Variants in RAB7A observed in about 807,000 individuals in gnomAD.
RAB7A encodes ras-related protein Rab-7a.
In RAB7A, 2 loss-of-function variants were observed where a neutral mutation model predicts 24.5. The ratio of observed to expected loss-of-function variants is 0.08; its 90% CI spans 0.03 to 0.26. The LOEUF is 0.26. Ranked by LOEUF, RAB7A falls within the 10% of genes least tolerant of loss-of-function variation. The probability of loss-of-function intolerance (pLI) is 1.00; values close to 1 mark genes in which losing one functional copy is unlikely to be tolerated. For synonymous variants in RAB7A, 100 were observed against 95.9 expected (o/e 1.04, Z -0.25); for missense variants, 118 against 255.7 (o/e 0.46, Z 3.67).
intron 1 of RAB7A, among the ~76,000 whole-genome samples, chr3:128,769,599 G>A (rs2070865438): frequency 6.6e-6 from 1 of 152,146 alleles, no homozygotes; most frequent in African/African-American, 2.4e-5. Context: ...TATTAATAGT[G>A]TTTTTGGAAG....
intron 4 of RAB7A, among the ~76,000 whole-genome samples, 198 bp from the exon 5 acceptor site, chr3:128,807,345 A>T (rs1227224517): frequency 6.6e-6 from 1 of 152,134 alleles, no homozygotes; most frequent in East Asian, 1.9e-4. Flanking sequence ...TCTCTAGCTG[A>T]ATCCTAGCTA....
At chr3:128,737,187 G>C (rs552795874) in intron 1 of RAB7A, among the ~76,000 whole-genome samples, 1 of 151,512 alleles carries the variant, frequency 6.6e-6, no homozygotes, top group Non-Finnish European at 1.5e-5. Flanking sequence ...ACAGGCGCCC[G>C]CCACCACACA....
chr3:128,744,687 A>G (rs1044115806), intron 1 of RAB7A, among the ~76,000 whole-genome samples: 14 of 152,126 alleles, frequency 9.2e-5, no homozygotes, highest in African/African-American at 3.1e-4. Context: ...TGGCCCAATT[A>G]ACACAGGCCC....
intron 1 of RAB7A, among the ~76,000 whole-genome samples, chr3:128,779,825 A>G (rs1933180570): frequency 2.6e-5 from 4 of 152,270 alleles, no homozygotes; most frequent in South Asian, 4.2e-4. Context: ...TGGTCTCCCA[A>G]ATTGTTGGGA....
At chr3:128,785,746 C>CAAAAA (rs35368201) in intron 1 of RAB7A, among the ~76,000 whole-genome samples, 1 of 86,716 alleles carries the variant, frequency 1.2e-5, no homozygotes, top group Admixed American at 1.2e-4. Flanking sequence ...AAGACTGTCT[C>CAAAAA]AAAAAAAAAA....
At chr3:128,790,161 T>G (rs1419961758) in intron 1 of RAB7A, among the ~76,000 whole-genome samples, 6 of 152,224 alleles carry the variant, frequency 3.9e-5, no homozygotes, top group African/African-American at 1.4e-4. Context: ...AAAATATACC[T>G]TTTAACTTTT....
chr3:128,738,459 C>G (rs1468702532), intron 1 of RAB7A, among the ~76,000 whole-genome samples: 4 of 152,172 alleles, frequency 2.6e-5, no homozygotes, highest in Admixed American at 2.6e-4. Context: ...CTTTTCCTTA[C>G]CACACTTTGT....
intron 1 of RAB7A, among the ~76,000 whole-genome samples, chr3:128,741,848 C>T (rs2070557662): frequency 6.6e-6 from 1 of 151,956 alleles, no homozygotes; most frequent in African/African-American, 2.4e-5. Flanking sequence ...GGGCATTGCT[C>T]TGTCACCCAG....
rs1447850477 is a variant in RAB7A, at chr3:128,814,278, C to T, written c.*856C>T. On this transcript the variant is annotated 3_prime_UTR_variant, in exon 6 of 6. Transcript: ENST00000265062. ...AAGACTTAAGAGCCAAAAAGCTTTT[C>T]ATCTCTCCAGGGGGAAAACTGTCTA... 1 of 152,908 alleles carries T rather than the reference C, an allele frequency of 6.5e-6. No individual in the cohort carries two copies. The highest frequency in any genetic ancestry group is 2.4e-5 in the African/African-American group (1 of 41,462). The allele number at this position is 152,908 out of a possible 1,614,324, so 9.5% of individuals were successfully genotyped here. A position where few individuals can be genotyped will look rare whatever the true frequency, so the allele number is the denominator to read the frequency against.
At chr3:128,766,365 A>T (rs1381089234) in intron 1 of RAB7A, among the ~76,000 whole-genome samples, 2 of 152,198 alleles carry the variant, frequency 1.3e-5, no homozygotes, top group Non-Finnish European at 2.9e-5. Flanking sequence ...AAATTAGGAC[A>T]CCCAAGAAGT....
At chr3:128,744,278 T>C (rs1016144347) in intron 1 of RAB7A, among the ~76,000 whole-genome samples, 1 of 151,976 alleles carries the variant, frequency 6.6e-6, no homozygotes, top group African/African-American at 2.4e-5. Flanking sequence ...AAAAAGGAAC[T>C]ATACAGAAAT....
At chr3:128,737,043 TTTA>T (rs1008131821) in intron 1 of RAB7A, among the ~76,000 whole-genome samples, 8 of 47,976 alleles carry the variant, frequency 1.7e-4, no homozygotes, top group African/African-American at 4.5e-4. Flanking sequence ...AATTTATTTA[TTTA>T]TTATTTTTTG....
chr3:128,744,486 C>T (rs138457838), intron 1 of RAB7A, among the ~76,000 whole-genome samples: 90 of 152,258 alleles, frequency 5.9e-4, no homozygotes, highest in Non-Finnish European at 1.0e-3. Flanking sequence ...GCATTATTAT[C>T]GACTACATTC....
chr3:128,752,144 A>G (rs1334415369), intron 1 of RAB7A, among the ~76,000 whole-genome samples: 1 of 152,198 alleles, frequency 6.6e-6, no homozygotes, highest in Non-Finnish European at 1.5e-5. Flanking sequence ...TCCTAGCTAC[A>G]CTAACTACAA....
At chr3:128,785,032 A>T (rs1318396976) in intron 1 of RAB7A, 5 of 147,170 alleles carry the variant, frequency 3.4e-5, no homozygotes, top group Non-Finnish European at 6.0e-5. Context: ...TGAAACTTCT[A>T]CCCCCCAGGT....
At chr3:128,776,603 C>T (rs1933095435) in intron 1 of RAB7A, among the ~76,000 whole-genome samples, 1 of 152,168 alleles carries the variant, frequency 6.6e-6, no homozygotes. Flanking sequence ...TTTCTTGATC[C>T]ATTCGTCCAT....
intron 1 of RAB7A, among the ~76,000 whole-genome samples, chr3:128,760,758 C>T (rs1000556491): frequency 6.6e-6 from 1 of 152,228 alleles, no homozygotes; most frequent in Non-Finnish European, 1.5e-5. Context: ...GAGTTATAAA[C>T]ATATGGAACT....
intron 4 of RAB7A, 45 bp from the exon 5 acceptor site, chr3:128,807,498 G>T (rs1933831182): frequency 6.2e-7 from 1 of 1,612,504 alleles, no homozygotes. Flanking sequence ...GTCAGTGCTG[G>T]CTGCTTCTGT....
At chr3:128,786,484 C>T (rs1933344767) in intron 1 of RAB7A, among the ~76,000 whole-genome samples, 1 of 152,118 alleles carries the variant, frequency 6.6e-6, no homozygotes, top group South Asian at 2.1e-4. Flanking sequence ...GTTTTGAGGG[C>T]AAGATGACTG....
Sources: gnomAD v4.1 joint callset for allele counts (sites outside exome capture counted in the v4.1 genomes callset) on GRCh38, gnomAD v4.1.1 for gene constraint, MANE v1.5 for transcripts, NCBI Gene and HGNC (gene_info 2026-07-23, HGNC 2026-07-21) for gene names.